CNIH3: variants seen among roughly 807,000 people sequenced by gnomAD.
CNIH3 encodes the protein protein cornichon homolog 3.
Under a neutral mutation model 24.1 loss-of-function variants are expected in CNIH3, and 14 were observed. The observed-to-expected ratio is 0.58, with a 90% CI of 0.38 to 0.91. The LOEUF (loss-of-function observed/expected upper bound fraction) is 0.91. CNIH3 is among the 40% of genes least tolerant of loss of function. CNIH3 has a pLI of 0.00. For synonymous variants in CNIH3, 68 were observed against 73.8 expected (o/e 0.92, Z 0.40); for missense variants, 178 against 196.8 (o/e 0.90, Z 0.57).
intron 1 of CNIH3, among the ~76,000 whole-genome samples, chr1:224,655,110 C>T (rs562320714): frequency 6.6e-6 from 1 of 152,262 alleles, no homozygotes; most frequent in South Asian, 2.1e-4. Flanking sequence ...GAAGCTGTTA[C>T]CACCCCTGGG....
chr1:224,503,671 A>T (rs974044135), intron 1 of CNIH3, among the ~76,000 whole-genome samples: 2 of 152,210 alleles, frequency 1.3e-5, no homozygotes, highest in Non-Finnish European at 2.9e-5. Context: ...GGTGTTTAGC[A>T]AGGGGAGGTG....
Position 224,575,273 on chromosome 1 carries a change from C to A in CNIH3, n.517-7891C>A, listed in dbSNP as rs527819809. 8.5e-6 allele frequency: 10 copies of A among 1,170,842 alleles called. No homozygotes were observed. In the South Asian group the frequency reaches 1.1e-4, roughly 13 times the overall value. 72.5% of individuals were successfully genotyped at this position (1,170,842 alleles called of 1,614,324 possible). On this transcript the variant is annotated intron_variant and non_coding_transcript_variant, in intron 4 of 5. Coordinates refer to the CNIH3 transcript ENST00000471578. ...TTGCTGAGAACTTTAAGGTCTTCAACTTTGAACTGAACAGCCAGGATATGA... is the reference window on the plus strand; with the variant it reads ...TTGCTGAGAACTTTAAGGTCTTCAAATTTGAACTGAACAGCCAGGATATGA...
chr1:224,516,441 G>C (rs1678386696), intron 1 of CNIH3, among the ~76,000 whole-genome samples: 1 of 152,022 alleles, frequency 6.6e-6, no homozygotes, highest in African/African-American at 2.4e-5. Flanking sequence ...CACATCTATG[G>C]GCTTCCCACG....
chr1:224,587,305 A>G (rs568954899), intron 5 of CNIH3: 6 of 152,466 alleles, frequency 3.9e-5, no homozygotes, highest in Admixed American at 6.5e-5. Context: ...AGACACCAAG[A>G]CATATCAGCT....
downstream of CNIH3, among the ~76,000 whole-genome samples, chr1:224,541,040 T>C (rs1391015198): frequency 6.6e-6 from 1 of 152,228 alleles, no homozygotes; most frequent in African/African-American, 2.4e-5. Context: ...TTTATATTGA[T>C]GCCATATGAT....
At chr1:224,521,668 C>CTGAA (rs1243931236) in intron 2 of CNIH3, 9 of 152,156 alleles carry the variant, frequency 5.9e-5, no homozygotes. Flanking sequence ...GCCTACCTAC[C>CTGAA]TGAATGAATG....
Position 224,692,413 on chromosome 1 carries a change from G to C in CNIH3, c.198+7570G>C, listed in dbSNP as rs548329650. Among the ~76,000 whole-genome samples, 12 of 152,288 alleles carry C rather than the reference G, an allele frequency of 7.9e-5. No individual in the cohort carries two copies. In the South Asian group the frequency reaches 2.5e-3, roughly 32 times the overall value. On this transcript the variant is annotated intron_variant, in intron 3 of 5. Transcript: ENST00000272133. Reference sequence around the variant, plus strand: ...TCAGTTCTTTTTAGCTGTTAATACGGTTCTTCCTACAGGGCTCTGGAGGGA... The same window carrying C: ...TCAGTTCTTTTTAGCTGTTAATACGCTTCTTCCTACAGGGCTCTGGAGGGA...
At chr1:224,606,441 C>T (rs547349922) in intron 3 of CNIH3, among the ~76,000 whole-genome samples, 3 of 152,142 alleles carry the variant, frequency 2.0e-5, no homozygotes, top group South Asian at 4.2e-4. Context: ...TGTTCCCAGT[C>T]GAACTCCTCT....
At chr1:224,506,794 A>C (rs1677937561) in intron 1 of CNIH3, among the ~76,000 whole-genome samples, 1 of 151,912 alleles carries the variant, frequency 6.6e-6, no homozygotes, top group South Asian at 2.1e-4. Flanking sequence ...GAAAGTGATC[A>C]CATTTTAATT....
At chr1:224,449,553 T>A (rs1455355221) in intron 1 of CNIH3, among the ~76,000 whole-genome samples, 1 of 152,072 alleles carries the variant, frequency 6.6e-6, no homozygotes, top group Non-Finnish European at 1.5e-5. Flanking sequence ...TGGAGTGCAG[T>A]GGGGCAATCA....
chr1:224,705,850 C>CTTTTTTCTTT (rs1687762236), intron 3 of CNIH3, among the ~76,000 whole-genome samples: 1 of 90,226 alleles, frequency 1.1e-5, no homozygotes, highest in Non-Finnish European at 2.4e-5. Context: ...TCTTTCTTTT[C>CTTTTTTCTTT]TTTTTTTTCT....
At chr1:224,696,566 C>T (rs187969387) in intron 3 of CNIH3, among the ~76,000 whole-genome samples, 24 of 152,198 alleles carry the variant, frequency 1.6e-4, no homozygotes, top group African/African-American at 3.9e-4. Context: ...AGGAGCAAGA[C>T]GAGGTGTCAC....
At chr1:224,434,888 AC>A in intron 1 of CNIH3, 1 of 980,852 alleles carries the variant, frequency 1.0e-6, no homozygotes, top group Non-Finnish European at 1.2e-6. Context: ...GGGGCCTGTC[AC>A]CCAGCACGTG....
At chr1:224,736,415 C>T (rs1254935829) in intron 5 of CNIH3, among the ~76,000 whole-genome samples, 5 of 152,328 alleles carry the variant, frequency 3.3e-5, no homozygotes, top group South Asian at 2.1e-4. Context: ...CGTGAGCCAC[C>T]GTGCCCAGTA....
chr1:224,616,630 G>T lies in CNIH3; in HGVS notation c.-545G>T, dbSNP rs1400818330. 1 of 987,340 alleles carries T rather than the reference G, an allele frequency of 1.0e-6. No individual in the cohort carries two copies. Among genetic ancestry groups the T allele is most frequent in the Non-Finnish European group, 1.2e-6 (1 of 831,456 alleles). 61.2% of individuals were successfully genotyped at this position (987,340 alleles called of 1,614,324 possible). On this transcript the variant is annotated 5_prime_UTR_variant, in exon 1 of 6. Transcript: ENST00000272133. The stretch of plus-strand genomic sequence containing the variant: ...AAGACTCCTTCTCTCGGGAAAGAGC[G>T]CTGCCCGGCTCTGGGATTTGGGAGG...
At chr1:224,519,319 T>C (rs530571769) in intron 1 of CNIH3, among the ~76,000 whole-genome samples, 1 of 152,280 alleles carries the variant, frequency 6.6e-6, no homozygotes, top group East Asian at 1.9e-4. Context: ...CTGCTTGAGC[T>C]GGGGCATCAA....
intron 4 of CNIH3, 105 bp from the exon 5 acceptor site, chr1:224,734,458 G>A: frequency 8.5e-7 from 1 of 1,175,480 alleles, no homozygotes; most frequent in Non-Finnish European, 1.2e-6. Context: ...GCAGGCAATT[G>A]CTTGGCAGGG....
At chr1:224,721,902 C>T (rs1342606862) in intron 3 of CNIH3, among the ~76,000 whole-genome samples, 1 of 152,140 alleles carries the variant, frequency 6.6e-6, no homozygotes, top group East Asian at 1.9e-4. Context: ...AGCCAGCCCT[C>T]CAAGACTAGA....
chr1:224,739,260 G>A, intron 5 of CNIH3, 69 bp from the exon 6 acceptor site: 1 of 1,539,664 alleles, frequency 6.5e-7, no homozygotes, highest in Non-Finnish European at 8.8e-7. Context: ...GGGGCAGCCT[G>A]AGTCCTCTGT....
Sources: allele counts gnomAD v4.1 joint callset (sites outside exome capture counted in the v4.1 genomes callset), GRCh38; gene constraint gnomAD v4.1.1; transcripts MANE v1.5; gene names NCBI Gene and HGNC (gene_info 2026-07-23, HGNC 2026-07-21).